The following UGGT2 variants were observed in gnomAD, a reference collection of about 807,000 sequenced individuals.
The protein encoded by UGGT2 is UDP-glucose:glycoprotein glucosyltransferase 2.
Under a neutral mutation model 192.1 loss-of-function variants are expected in UGGT2, and 180 were observed. The observed-to-expected ratio is 0.94, with a 90% CI of 0.83 to 1.06. UGGT2 has a LOEUF of 1.06. Ranked by LOEUF, UGGT2 falls within the 50% of genes least tolerant of loss-of-function variation. The pLI is 0.00. For missense variants in UGGT2, 1,849 were observed against 1,795.7 expected, an observed-to-expected ratio of 1.03 and a Z score of -0.54; for synonymous variants, 580 against 591.0, an observed-to-expected ratio of 0.98 and a Z score of 0.27.
At chr13:95,846,018 G>A (rs972860678) in intron 36 of UGGT2, among the ~76,000 whole-genome samples, 14 of 152,102 alleles carry the variant, frequency 9.2e-5, no homozygotes, top group Admixed American at 1.3e-4. Context: ...CTTCCTAGAC[G>A]GGGTGGCGGC....
intron 1 of UGGT2, among the ~76,000 whole-genome samples, chr13:96,034,083 C>G (rs1033336271): frequency 7.9e-5 from 12 of 152,262 alleles, no homozygotes; most frequent in South Asian, 2.1e-4. Flanking sequence ...ACACTTACCC[C>G]CCTCTGAAGC....
At chr13:96,005,343 G>A (rs900476146) in intron 5 of UGGT2, among the ~76,000 whole-genome samples, 2 of 152,274 alleles carry the variant, frequency 1.3e-5, no homozygotes, top group African/African-American at 4.8e-5. Flanking sequence ...GTGGGCTAAC[G>A]TGAGAGTGTG....
intron 38 of UGGT2, among the ~76,000 whole-genome samples, chr13:95,809,899 G>A (rs1165588619): frequency 6.6e-6 from 1 of 152,154 alleles, no homozygotes; most frequent in African/African-American, 2.4e-5. Context: ...TTAGTCTACA[G>A]GTAAGCCTTT....
intron 32 of UGGT2, among the ~76,000 whole-genome samples, chr13:95,860,253 T>C (rs1415060155): frequency 6.6e-6 from 1 of 151,102 alleles, no homozygotes; most frequent in Non-Finnish European, 1.5e-5. Flanking sequence ...TTCCCTTCCT[T>C]TTTATAAAAC....
At chr13:95,932,933 C>T (rs2049337315) in intron 17 of UGGT2, among the ~76,000 whole-genome samples, 1 of 152,154 alleles carries the variant, frequency 6.6e-6, no homozygotes, top group South Asian at 2.1e-4. Flanking sequence ...GGAGTGAAGC[C>T]TATTTGATTA....
At chr13:95,855,106 T>TAAAAAAA (rs10713359) in intron 34 of UGGT2, among the ~76,000 whole-genome samples, 6 of 49,918 alleles carry the variant, frequency 1.2e-4, no homozygotes, top group African/African-American at 5.2e-4. Context: ...ACCCTGTCTG[T>TAAAAAAA]AAAAAAAAAA....
At chr13:95,920,194 T>G (rs2048802851) in intron 20 of UGGT2, among the ~76,000 whole-genome samples, 1 of 152,060 alleles carries the variant, frequency 6.6e-6, no homozygotes, top group South Asian at 2.1e-4. Flanking sequence ...AAATATTAAC[T>G]TAAGATAAAC....
intron 10 of UGGT2, among the ~76,000 whole-genome samples, chr13:95,980,831 T>C (rs906826545): frequency 6.6e-6 from 1 of 152,122 alleles, no homozygotes; most frequent in Non-Finnish European, 1.5e-5. Context: ...ACCCTGTCTC[T>C]ACTAAAAATA....
At chr13:95,839,072 T>C (rs955299879) in intron 36 of UGGT2, among the ~76,000 whole-genome samples, 1 of 152,130 alleles carries the variant, frequency 6.6e-6, no homozygotes, top group Non-Finnish European at 1.5e-5. Context: ...GACAAAGTCA[T>C]AGTCCTGATT....
chr13:95,938,466 A>G (rs1050033922), intron 16 of UGGT2, among the ~76,000 whole-genome samples: 1 of 152,222 alleles, frequency 6.6e-6, no homozygotes, highest in African/African-American at 2.4e-5. Flanking sequence ...GATAAAACAG[A>G]TACAGAGAGA....
chr13:95,888,063 A>C (rs1239352249), intron 25 of UGGT2, 92 bp from the exon 26 acceptor site: 5 of 833,234 alleles, frequency 6.0e-6, no homozygotes, highest in Non-Finnish European at 9.1e-6. Context: ...CTATATTAAA[A>C]CTTTATGTTC....
intron 20 of UGGT2, among the ~76,000 whole-genome samples, chr13:95,921,147 A>C (rs989716211): frequency 6.6e-6 from 1 of 152,054 alleles, no homozygotes; most frequent in African/African-American, 2.4e-5. Flanking sequence ...GAATGATGAG[A>C]CCACATGGAC....
At chr13:95,837,885 C>T (rs764666498) in intron 36 of UGGT2, among the ~76,000 whole-genome samples, 1 of 149,544 alleles carries the variant, frequency 6.7e-6, no homozygotes, top group Non-Finnish European at 1.5e-5. Context: ...GGTTGTCCTA[C>T]ATAAGCTCCA....
intron 38 of UGGT2, among the ~76,000 whole-genome samples, chr13:95,831,086 C>T (rs1043584215): frequency 2.6e-5 from 4 of 151,884 alleles, no homozygotes; most frequent in Non-Finnish European, 4.4e-5. Context: ...AATGAGAACA[C>T]CTGGACACAG....
chr13:95,933,987 G>A (rs2049377398), intron 17 of UGGT2, among the ~76,000 whole-genome samples: 1 of 152,178 alleles, frequency 6.6e-6, no homozygotes, highest in African/African-American at 2.4e-5. Flanking sequence ...CCTGGTGATA[G>A]TTCTAAATTT....
chr13:95,863,881 C>CT (rs1317655346), intron 30 of UGGT2, among the ~76,000 whole-genome samples, 167 bp from the exon 31 acceptor site: 1 of 152,172 alleles, frequency 6.6e-6, no homozygotes, highest in African/African-American at 2.4e-5. Flanking sequence ...ACAATCTGGT[C>CT]TTTAACTATC....
chr13:95,929,192 G>A (rs2049155423), intron 17 of UGGT2, among the ~76,000 whole-genome samples: 3 of 152,176 alleles, frequency 2.0e-5, no homozygotes, highest in East Asian at 3.9e-4. Context: ...GGGAGAGGGG[G>A]AGGGAGAATA....
intron 1 of UGGT2, among the ~76,000 whole-genome samples, chr13:96,034,807 G>A (rs1389965423): frequency 6.6e-6 from 1 of 152,200 alleles, no homozygotes; most frequent in Non-Finnish European, 1.5e-5. Flanking sequence ...GGCACTCCTG[G>A]CTGTGCGCAG....
At chr13:95,981,148 C>A (rs1174361850) in intron 10 of UGGT2, among the ~76,000 whole-genome samples, 5 of 152,176 alleles carry the variant, frequency 3.3e-5, no homozygotes, top group Non-Finnish European at 7.3e-5. Context: ...GCAGTACCCC[C>A]AAGTGAGAAA....
Sources: gnomAD v4.1 joint callset for allele counts (sites outside exome capture counted in the v4.1 genomes callset) on GRCh38, gnomAD v4.1.1 for gene constraint, MANE v1.5 for transcripts, NCBI Gene and HGNC (gene_info 2026-07-23, HGNC 2026-07-21) for gene names.